UGT1A9: variants seen among roughly 807,000 people sequenced by gnomAD.
UGT1A9 encodes UDP-glucuronosyltransferase 1A9.
Under a neutral mutation model 45.0 loss-of-function variants are expected in UGT1A9, and 35 were observed. That is an observed-to-expected ratio of 0.78 (90% CI 0.59 to 1.03). The LOEUF (loss-of-function observed/expected upper bound fraction) is 1.03. UGT1A9 is among the 50% of genes least tolerant of loss of function. The pLI is 0.00. For missense variants in UGT1A9, 687 were observed against 666.6 expected, an observed-to-expected ratio of 1.03 and a Z score of -0.34; for synonymous variants, 278 against 250.6, an observed-to-expected ratio of 1.11 and a Z score of -1.03.
intron 1 of UGT1A9, among the ~76,000 whole-genome samples, chr2:233,720,293 G>A (rs1340833186): frequency 6.6e-6 from 1 of 152,182 alleles, no homozygotes; most frequent in Non-Finnish European, 1.5e-5. Flanking sequence ...CTGACCAGGA[G>A]TTGGGGGTCT....
At chr2:233,764,278 T>C (rs1698524796) in intron 1 of UGT1A9, among the ~76,000 whole-genome samples, 1 of 152,134 alleles carries the variant, frequency 6.6e-6, no homozygotes, top group Admixed American at 6.5e-5. Flanking sequence ...CTTTGGTCAT[T>C]CCGGTAACTG....
intron 1 of UGT1A9, among the ~76,000 whole-genome samples, chr2:233,709,281 C>T (rs2125615008): frequency 6.6e-6 from 1 of 152,106 alleles, no homozygotes; most frequent in East Asian, 1.9e-4. Flanking sequence ...GTGAATTACC[C>T]TTCAATTAAT....
At chr2:233,714,411 G>A (rs2076385776) in intron 1 of UGT1A9, among the ~76,000 whole-genome samples, 1 of 152,178 alleles carries the variant, frequency 6.6e-6, no homozygotes, top group African/African-American at 2.4e-5. Context: ...ATGGATGTCT[G>A]TGATCAGAGA....
intron 1 of UGT1A9, chr2:233,752,635 T>C (rs1695024610): frequency 6.6e-6 from 1 of 152,222 alleles, no homozygotes; most frequent in Admixed American, 6.5e-5. Flanking sequence ...AGCTGTTGTC[T>C]TAGTTACTGG....
In UGT1A9 at chr2:233,672,501, T is replaced by G; in HGVS notation, c.567T>G (p.Tyr189Ter). The change falls in exon 1 of 5, where the codon TAT (tyrosine) becomes TAG (stop). Residue 189 changes from tyrosine to a stop codon, truncating the protein, a stop_gained. Transcript: ENST00000354728. LOFTEE classifies it high-confidence loss of function. Reference sequence around the variant, plus strand: ...CACAGTGCCCTGCTCCTCTTTCCTATGTCCCCAGAATTCTCTTAGGGTTCT... The same window carrying G: ...CACAGTGCCCTGCTCCTCTTTCCTAGGTCCCCAGAATTCTCTTAGGGTTCT... The part of the protein sequence containing the change: ...EGAQCPAPLS[Y>*]VPRILLGFSD... 6.2e-7 allele frequency: 1 copy of G among 1,613,992 alleles called. No homozygotes were observed. Among genetic ancestry groups the G allele is most frequent in the South Asian group, 1.1e-5 (1 of 91,078 alleles).
chr2:233,754,764 C>T (rs570859528), intron 1 of UGT1A9: 2 of 981,308 alleles, frequency 2.0e-6, no homozygotes, highest in East Asian at 6.0e-5. Flanking sequence ...AAGGCCCCCA[C>T]TTCCCAGGGA....
chr2:233,724,568 G>A (rs1015390355), intron 1 of UGT1A9, among the ~76,000 whole-genome samples: 3 of 128,090 alleles, frequency 2.3e-5, no homozygotes, highest in Admixed American at 7.6e-5. Context: ...ATGGGGCGGC[G>A]GGGCAGAGGC....
intron 1 of UGT1A9, among the ~76,000 whole-genome samples, chr2:233,702,794 A>G (rs1318295420): frequency 6.6e-6 from 1 of 152,214 alleles, no homozygotes; most frequent in Non-Finnish European, 1.5e-5. Flanking sequence ...CGAACCTTGT[A>G]TTCCTAGAAT....
intron 1 of UGT1A9, chr2:233,729,609 G>C: frequency 6.2e-7 from 1 of 1,613,988 alleles, no homozygotes. Flanking sequence ...CGGCAGTGCT[G>C]GCTAAGTACC....
In UGT1A9 at chr2:233,743,171, T is replaced by G. The variant is rs182109098; in HGVS notation, c.856-23863T>G. The G allele has an allele frequency of 7.8e-4, 286 of 364,898 alleles. 2 individuals are homozygous for G. Among genetic ancestry groups the G allele is most frequent in the East Asian group, 3.6e-3 (49 of 13,664 alleles). 22.6% of individuals were successfully genotyped at this position (364,898 alleles called of 1,614,324 possible). A position where few individuals can be genotyped will look rare whatever the true frequency, so the allele number is the denominator to read the frequency against. ...GCTATTCCTCCAGATGTGCTTAAAG[T>G]CAAATGTGGACTGGAATTACTTGGT... On this transcript the variant is annotated intron_variant, in intron 1 of 4. Coordinates refer to ENST00000354728, the MANE Select transcript of UGT1A9 (RefSeq NM_021027.3).
chr2:233,716,198 G>C (rs2076491281), intron 1 of UGT1A9, among the ~76,000 whole-genome samples: 1 of 152,026 alleles, frequency 6.6e-6, no homozygotes, highest in African/African-American at 2.4e-5. Context: ...TCTTACATCT[G>C]TCTCTTTCAC....
intron 1 of UGT1A9, among the ~76,000 whole-genome samples, chr2:233,727,721 C>A (rs2077642533): frequency 6.6e-6 from 1 of 152,216 alleles, no homozygotes; most frequent in Non-Finnish European, 1.5e-5. Context: ...CCTTGCAGAC[C>A]TTCCTTTTCT....
intron 1 of UGT1A9, among the ~76,000 whole-genome samples, chr2:233,739,944 C>A (rs937638963): frequency 6.6e-6 from 1 of 151,864 alleles, no homozygotes; most frequent in Non-Finnish European, 1.5e-5. Context: ...AGGTTGGTAC[C>A]TGGTGGGAGC....
chr2:233,711,190 C>G (rs886946782), intron 1 of UGT1A9, among the ~76,000 whole-genome samples: 1 of 152,236 alleles, frequency 6.6e-6, no homozygotes, highest in African/African-American at 2.4e-5. Flanking sequence ...CTACTCCCTC[C>G]CCACAGTCCT....
At chr2:233,673,930 C>A (rs543938287) in intron 1 of UGT1A9, among the ~76,000 whole-genome samples, 1 of 152,128 alleles carries the variant, frequency 6.6e-6, no homozygotes, top group Non-Finnish European at 1.5e-5. Context: ...TTCCAAAGCA[C>A]TATTGAGTAA....
intron 1 of UGT1A9, among the ~76,000 whole-genome samples, chr2:233,678,646 T>C (rs1309873560): frequency 2.6e-5 from 4 of 152,218 alleles, no homozygotes; most frequent in African/African-American, 7.2e-5. Context: ...TCTTAAATAA[T>C]TGGAAGCATT....
Position 233,769,767 on chromosome 2 carries a change from A to T in UGT1A9, c.1295+1328A>T. On this transcript the variant is annotated intron_variant, in intron 4 of 4. Transcript: ENST00000354728. The surrounding 1 kb of genome is among the most constrained non-coding windows in gnomAD (Gnocchi z 4.4). The stretch of plus-strand genomic sequence containing the variant: ...CCACTCTGGAGGCTAAGGCGGGAGG[A>T]TTGCTTGAGCCCAGAAGTTGGAGGC... The T allele has an allele frequency of 7.3e-7, 1 of 1,374,514 alleles. No individual in the cohort carries two copies. Among genetic ancestry groups the T allele is most frequent in the Non-Finnish European group, 9.5e-7 (1 of 1,054,322 alleles). The allele number at this position is 1,374,514 out of a possible 1,614,324, so 85.1% of individuals were successfully genotyped here. A position where few individuals can be genotyped will look rare whatever the true frequency, so the allele number is the denominator to read the frequency against.
intron 1 of UGT1A9, among the ~76,000 whole-genome samples, chr2:233,674,166 A>G (rs2074275839): frequency 6.6e-6 from 1 of 152,208 alleles, no homozygotes; most frequent in Non-Finnish European, 1.5e-5. Flanking sequence ...TAACACAGTC[A>G]TATTCTCTCA....
intron 1 of UGT1A9, among the ~76,000 whole-genome samples, chr2:233,730,418 A>G (rs1198959382): frequency 2.0e-5 from 3 of 152,174 alleles, no homozygotes; most frequent in Non-Finnish European, 4.4e-5. Context: ...TGACATGATA[A>G]TTTTTAGTTG....
Sources: gnomAD v4.1 joint callset for allele counts (sites outside exome capture counted in the v4.1 genomes callset) on GRCh38, gnomAD v4.1.1 for gene constraint, Gnocchi (gnomAD v3.1) non-coding constraint, MANE v1.5 for transcripts, NCBI Gene and HGNC (gene_info 2026-07-23, HGNC 2026-07-21) for gene names.